The following UPP2 variants were observed in gnomAD, a reference collection of about 807,000 sequenced individuals.
The protein encoded by UPP2 is uridine phosphorylase 2.
In UPP2, 23 loss-of-function variants were observed where a neutral mutation model predicts 26.7. That is an observed-to-expected ratio of 0.86 (90% CI 0.62 to 1.22). The LOEUF (loss-of-function observed/expected upper bound fraction) is 1.22, where lower values mean the gene tolerates loss of function less well. Among genes scored for constraint, UPP2 ranks in the 50% most tolerant of loss-of-function variants. The probability of loss-of-function intolerance (pLI) is 0.00; values close to 1 mark genes in which losing one functional copy is unlikely to be tolerated. For missense variants in UPP2, 387 were observed against 396.7 expected (o/e 0.98, Z 0.21); for synonymous variants, 127 against 141.3 (o/e 0.90, Z 0.72).
intron 6 of UPP2, among the ~76,000 whole-genome samples, chr2:158,132,218 C>T (rs967747404): frequency 2.0e-5 from 3 of 152,160 alleles, no homozygotes; most frequent in Admixed American, 6.5e-5. Flanking sequence ...AAATATTTGC[C>T]GCAGCTCAAG....
intron 3 of UPP2, among the ~76,000 whole-genome samples, chr2:158,074,197 A>C (rs528693250): frequency 2.6e-5 from 4 of 152,270 alleles, no homozygotes; most frequent in Non-Finnish European, 5.9e-5. Flanking sequence ...AACAAAATCC[A>C]AACAGAAAAG....
chr2:158,030,974 G>A lies in UPP2; in HGVS notation c.147+15088G>A, dbSNP rs181161826. The stretch of plus-strand genomic sequence containing the variant: ...TGTACTAATCAGCTTTGCAACTTTA[G>A]GCCAGTCAGTTCCCTCAACTTTCCA... On this transcript the variant is annotated intron_variant, in intron 3 of 9. Coordinates refer to the UPP2 transcript ENST00000605860. Among the ~76,000 whole-genome samples the A allele has an allele frequency of 1.3e-4, 20 of 152,184 alleles. No individual in the cohort carries two copies. In the East Asian group the frequency reaches 3.7e-3, roughly 28 times the overall value.
intron 3 of UPP2, among the ~76,000 whole-genome samples, chr2:158,077,230 C>T (rs1682644128): frequency 6.6e-6 from 1 of 150,974 alleles, no homozygotes; most frequent in South Asian, 2.1e-4. Flanking sequence ...AATGTCCATA[C>T]TATCTAAAGC....
intron 3 of UPP2, among the ~76,000 whole-genome samples, chr2:158,017,578 A>G (rs1683680544): frequency 6.6e-6 from 1 of 152,224 alleles, no homozygotes; most frequent in East Asian, 1.9e-4. Flanking sequence ...AAAGCTAGGT[A>G]TTATAGAAAC....
chr2:158,029,072 C>T (rs1209635225), intron 3 of UPP2, among the ~76,000 whole-genome samples: 3 of 152,222 alleles, frequency 2.0e-5, no homozygotes, highest in African/African-American at 7.2e-5. Context: ...ATAATGCACT[C>T]ACTTTCAAGA....
intron 3 of UPP2, among the ~76,000 whole-genome samples, chr2:158,048,394 C>T (rs950114395): frequency 3.3e-5 from 5 of 152,104 alleles, no homozygotes; most frequent in African/African-American, 1.2e-4. Context: ...TCACTTGAGC[C>T]CAGGAGTTTG....
At chr2:158,104,295 G>T (rs1683134260) in intron 1 of UPP2, among the ~76,000 whole-genome samples, 1 of 152,138 alleles carries the variant, frequency 6.6e-6, no homozygotes, top group South Asian at 2.1e-4. Flanking sequence ...CACGGAAGAG[G>T]TAATATTTGA....
chr2:158,010,275 A>G (rs566305597), intron 2 of UPP2, among the ~76,000 whole-genome samples: 1 of 152,252 alleles, frequency 6.6e-6, no homozygotes, highest in Non-Finnish European at 1.5e-5. Flanking sequence ...AAGGAACACT[A>G]GATTGTTAAA....
upstream of UPP2, chr2:158,101,779 C>T: frequency 1.8e-6 from 2 of 1,103,296 alleles, no homozygotes; most frequent in Non-Finnish European, 2.3e-6. Context: ...AGCTAGGATG[C>T]CACACCTTCA....
chr2:158,067,569 CAGA>C (rs1329411275), intron 3 of UPP2, among the ~76,000 whole-genome samples: 2 of 152,022 alleles, frequency 1.3e-5, no homozygotes, highest in Non-Finnish European at 2.9e-5. Context: ...CCAAAACTTT[CAGA>C]AGATGAATGG....
In UPP2 at chr2:158,135,367, G is replaced by C. The variant is rs763537737; in HGVS notation, c.*477G>C. ...GTGAAATGTAGGTCTATATGGAAAAGTTACCATTAGGAAAATATGGCCATA... is the reference window on the plus strand; with the variant it reads ...GTGAAATGTAGGTCTATATGGAAAACTTACCATTAGGAAAATATGGCCATA... On this transcript the variant is annotated 3_prime_UTR_variant, in exon 7 of 7. Coordinates refer to ENST00000005756, the MANE Select transcript of UPP2 (RefSeq NM_173355.4). 6.6e-6 allele frequency: 1 copy of C among 152,554 alleles called. No individual in the cohort carries two copies. Among genetic ancestry groups the C allele is most frequent in the Non-Finnish European group, 1.5e-5 (1 of 68,184 alleles). The allele number at this position is 152,554 out of a possible 1,614,324, so 9.5% of individuals were successfully genotyped here.
At chr2:158,083,867 T>TTTA (rs1553467793) in intron 3 of UPP2, among the ~76,000 whole-genome samples, 10 of 145,878 alleles carry the variant, frequency 6.9e-5, no homozygotes, top group African/African-American at 2.0e-4. Flanking sequence ...TATATGTTTT[T>TTTA]TATATATATA....
At chr2:158,099,149 T>A (rs1455032876), upstream of UPP2, among the ~76,000 whole-genome samples, 1 of 152,238 alleles carries the variant, frequency 6.6e-6, no homozygotes, top group Non-Finnish European at 1.5e-5. Context: ...TCATGGAATG[T>A]CAATATTTTT....
chr2:158,060,908 T>C (rs1267541217), intron 3 of UPP2, among the ~76,000 whole-genome samples: 1 of 152,186 alleles, frequency 6.6e-6, no homozygotes, highest in Non-Finnish European at 1.5e-5. Context: ...GAGAAATAAA[T>C]GTTTGTTCTT....
At chr2:158,041,218 A>G (rs943683772) in intron 3 of UPP2, among the ~76,000 whole-genome samples, 1 of 152,238 alleles carries the variant, frequency 6.6e-6, no homozygotes, top group Non-Finnish European at 1.5e-5. Flanking sequence ...TTTTTAAAGT[A>G]CTGATTGAAT....
intron 3 of UPP2, among the ~76,000 whole-genome samples, chr2:158,026,780 G>A (rs771055097): frequency 7.9e-5 from 12 of 152,060 alleles, no homozygotes; most frequent in Non-Finnish European, 1.5e-4. Flanking sequence ...ACCCAAAACT[G>A]GGAAGAAAAA....
intron 3 of UPP2, among the ~76,000 whole-genome samples, chr2:158,022,981 G>T (rs957474692): frequency 1.8e-4 from 27 of 152,254 alleles, no homozygotes; most frequent in African/African-American, 6.5e-4. Context: ...AGTGGCACCT[G>T]GGGGCAATGA....
At chr2:158,110,309 C>T (rs189381649) in intron 2 of UPP2, among the ~76,000 whole-genome samples, 88 of 152,276 alleles carry the variant, frequency 5.8e-4, no homozygotes, top group African/African-American at 2.0e-3. Flanking sequence ...CCAGCTTCAT[C>T]CCTGTCCCTT....
chr2:158,036,909 T>C (rs1000049488), intron 3 of UPP2, among the ~76,000 whole-genome samples: 1 of 152,188 alleles, frequency 6.6e-6, no homozygotes, highest in Non-Finnish European at 1.5e-5. Flanking sequence ...AGGTCTTCTG[T>C]ATGTTCCTTA....
Sources: allele counts gnomAD v4.1 joint callset (sites outside exome capture counted in the v4.1 genomes callset), GRCh38; gene constraint gnomAD v4.1.1; transcripts MANE v1.5; gene names NCBI Gene and HGNC (gene_info 2026-07-23, HGNC 2026-07-21).